ALPK3: variants seen among roughly 807,000 people sequenced by gnomAD.
ALPK3 encodes the protein alpha kinase 3.
Under a neutral mutation model 140.0 loss-of-function variants are expected in ALPK3, and 102 were observed. The ratio of observed to expected loss-of-function variants is 0.73; its 90% CI spans 0.62 to 0.86. The LOEUF (loss-of-function observed/expected upper bound fraction) is 0.86. ALPK3 is among the 40% of genes least tolerant of loss of function. ALPK3 has a pLI of 0.00. For missense variants in ALPK3, 2,254 were observed against 2,208.2 expected (o/e 1.02, Z -0.42); for synonymous variants, 938 against 898.5 (o/e 1.04, Z -0.79).
chr15:84,863,947 G>A (rs1328266223), intron 11 of ALPK3, among the ~76,000 whole-genome samples: 1 of 152,218 alleles, frequency 6.6e-6, no homozygotes, highest in Non-Finnish European at 1.5e-5. Context: ...GAAGGTGATG[G>A]GGTGGGTTAA....
At chr15:84,849,921 G>A (rs1387702245) in intron 5 of ALPK3, among the ~76,000 whole-genome samples, 2 of 143,604 alleles carry the variant, frequency 1.4e-5, no homozygotes, top group African/African-American at 5.2e-5. Flanking sequence ...CCAAAAACAG[G>A]AAAATTATGG....
chr15:84,859,782 G>A lies in ALPK3; in HGVS notation c.3972G>A (p.Gly1324=). 1 of 1,612,226 alleles carries A rather than the reference G, an allele frequency of 6.2e-7. No individual in the cohort carries two copies. Among genetic ancestry groups the A allele is most frequent in the Non-Finnish European group, 8.5e-7 (1 of 1,179,756 alleles). Residue 1324 remains glycine, a synonymous_variant, in exon 8 of 14, where the codon GGG becomes GGA. Transcript: ENST00000258888. Reference sequence around the variant, plus strand: ...TAGGGTCTCCACTCTGCAGCGCAGGGGATGAGGGGCCGGCGGCCTTGGCCA... The same window carrying A: ...TAGGGTCTCCACTCTGCAGCGCAGGAGATGAGGGGCCGGCGGCCTTGGCCA... ...RPVGEVGRSA[G]DEGPAALAIV...
chr15:84,839,138 AG>A, intron 4 of ALPK3, 41 bp downstream of exon 4: 1 of 1,534,212 alleles, frequency 6.5e-7, no homozygotes, highest in Non-Finnish European at 8.9e-7. Context: ...TGCCCTCCCG[AG>A]GGCCCTCTGG....
intron 5 of ALPK3, among the ~76,000 whole-genome samples, chr15:84,851,151 G>A (rs1341755157): frequency 6.6e-6 from 1 of 152,172 alleles, no homozygotes; most frequent in Non-Finnish European, 1.5e-5. Flanking sequence ...CTTTTTTGGG[G>A]TAGAGGAGGG....
In ALPK3 at chr15:84,817,705, C is replaced by T. The variant is rs1963377342; in HGVS notation, c.143+110C>T. On this transcript the variant is annotated intron_variant, in intron 1 of 13. Transcript: ENST00000258888. ...CCTGGGCTGGGCCTGCGCCCTCGAG[C>T]CCTCTCAGCCCCAAGGCCCAGGGCC... is the stretch of plus-strand genomic sequence containing the variant. The T allele has an allele frequency of 2.3e-6, 3 of 1,285,942 alleles. No homozygotes were observed. The Admixed American group carries it at 1.2e-4, about 53-fold the overall frequency. 79.7% of individuals were successfully genotyped at this position (1,285,942 alleles called of 1,614,324 possible).
At chr15:84,847,714 TC>T (rs1473609852) in intron 5 of ALPK3, among the ~76,000 whole-genome samples, 5 of 152,074 alleles carry the variant, frequency 3.3e-5, no homozygotes, top group Non-Finnish European at 5.9e-5. Flanking sequence ...ATAAAGACAT[TC>T]TCAGATAATG....
chr15:84,868,475 G>C lies in ALPK3; in HGVS notation c.*19G>C. ...GCGGTAGCCTCCGCAGAGGCTGGGG[G>C]CCTCCACCCAGCAGCAGACCAACCA... On this transcript the variant is annotated 3_prime_UTR_variant, in exon 14 of 14. Transcript: ENST00000258888. 1 of 1,587,132 alleles carries C rather than the reference G, an allele frequency of 6.3e-7. No individual in the cohort carries two copies. The highest frequency in any genetic ancestry group is 1.3e-5 in the African/African-American group (1 of 74,208).
At chr15:84,867,411 G>C in intron 13 of ALPK3, 46 bp downstream of exon 13, 2 of 1,606,164 alleles carry the variant, frequency 1.2e-6, no homozygotes, top group South Asian at 1.1e-5. Context: ...GTCTTCTCAG[G>C]GTGTAAAATG....
chr15:84,829,538 A>C (rs1236915609), intron 3 of ALPK3, among the ~76,000 whole-genome samples: 1 of 152,160 alleles, frequency 6.6e-6, no homozygotes, highest in Non-Finnish European at 1.5e-5. Flanking sequence ...CCGTTTCTGT[A>C]AGTCTTACAT....
rs1334668842 is a variant in ALPK3, at chr15:84,869,414, G to A, written c.*958G>A. On this transcript the variant is annotated 3_prime_UTR_variant, in exon 14 of 14. Transcript: ENST00000258888. ...AGAGACCTTGCACTCCATACTGAAA[G>A]GAGGTGGGGTCACAGTGAATTTCAC... 1.3e-5 allele frequency: 2 copies of A among 152,326 alleles called. No homozygotes were observed. Among genetic ancestry groups the A allele is most frequent in the Non-Finnish European group, 2.9e-5 (2 of 68,100 alleles). The allele number at this position is 152,326 out of a possible 1,614,324, so 9.4% of individuals were successfully genotyped here. A position where few individuals can be genotyped will look rare whatever the true frequency, so the allele number is the denominator to read the frequency against.
chr15:84,827,599 G>C lies in ALPK3; in HGVS notation c.298G>C (p.Val100Leu). Residue 100 changes from valine (V) to leucine (L), a missense_variant, in exon 3 of 14, where the codon GTC (valine) becomes CTC (leucine). Around this residue, in one of 3 missense-constraint regions of ALPK3, gnomAD observed 2,088 missense variants for 2,022.9 expected, o/e 1.03. Transcript: ENST00000258888. ...EDSDVRFTCI[V>L]TGYPEPEVTW... Reference sequence around the variant, plus strand: ...CAGCGACGTCAGGTTCACCTGCATCGTCACAGGTAAGGATGCTGTCTGTAT... The same window carrying C: ...CAGCGACGTCAGGTTCACCTGCATCCTCACAGGTAAGGATGCTGTCTGTAT... The C allele has an allele frequency of 6.2e-7, 1 of 1,614,060 alleles. No homozygotes were observed. Among genetic ancestry groups the C allele is most frequent in the East Asian group, 2.2e-5 (1 of 44,888 alleles).
Position 84,824,132 on chromosome 15 carries a change from T to G in ALPK3, c.182+764T>G, listed in dbSNP as rs576175993. ...TTTCTGCAGTCATTTAAGTTCTCCT[T>G]TTACCTCCTCTTTCTCTGAATTTTC... On this transcript the variant is annotated intron_variant, in intron 2 of 13. Transcript: ENST00000258888. Among the ~76,000 whole-genome samples the G allele has an allele frequency of 8.5e-5, 13 of 152,320 alleles. 1 individual carries two copies. The East Asian group carries it at 2.1e-3, about 25-fold the overall frequency.
intron 7 of ALPK3, 30 bp from the exon 8 acceptor site, chr15:84,859,746 G>T (rs758821183): frequency 5.6e-6 from 9 of 1,596,438 alleles, no homozygotes; most frequent in Non-Finnish European, 7.7e-6. Flanking sequence ...CCATGCCATG[G>T]CCCTCACGAG....
At chr15:84,858,699 T>C (rs1963901395) in intron 6 of ALPK3, 144 bp downstream of exon 6, 11 of 1,279,786 alleles carry the variant, frequency 8.6e-6, no homozygotes. Context: ...GGTACCCTTC[T>C]CTCACAGCCT....
intron 7 of ALPK3, 137 bp from the exon 8 acceptor site, chr15:84,859,639 C>A: frequency 2.2e-6 from 3 of 1,367,928 alleles, no homozygotes; most frequent in South Asian, 3.0e-5. Context: ...CAGCTCTTGG[C>A]CCTGGAATCG....
At chr15:84,841,762 G>T (rs1165669920) in intron 5 of ALPK3, among the ~76,000 whole-genome samples, 1 of 152,162 alleles carries the variant, frequency 6.6e-6, no homozygotes, top group Non-Finnish European at 1.5e-5. Flanking sequence ...GATTGAGAGG[G>T]CAGGAAGGAA....
chr15:84,871,160 C>T lies in ALPK3; in HGVS notation c.*2704C>T, dbSNP rs1485575715. 6.6e-6 allele frequency: 1 copy of T among 152,556 alleles called. No individual in the cohort carries two copies. Among genetic ancestry groups the T allele is most frequent in the Non-Finnish European group, 1.5e-5 (1 of 68,020 alleles). The allele number at this position is 152,556 out of a possible 1,614,324, so 9.5% of individuals were successfully genotyped here. ...GGAAGAATGGGTAAAGTCTACAGTC[C>T]ATTTCTAGAACTGGTCATGAGAACT... is the stretch of plus-strand genomic sequence containing the variant. On this transcript the variant is annotated 3_prime_UTR_variant, in exon 14 of 14. Transcript: ENST00000258888.
intron 10 of ALPK3, 84 bp downstream of exon 10, chr15:84,862,999 G>A (rs2141572916): frequency 3.3e-6 from 5 of 1,531,460 alleles, no homozygotes; most frequent in Non-Finnish European, 4.4e-6. Context: ...AGGATGCCCA[G>A]TATCGAGGCA....
chr15:84,827,349 G>C, intron 2 of ALPK3, 135 bp from the exon 3 acceptor site: 1 of 1,308,624 alleles, frequency 7.6e-7, no homozygotes, highest in Non-Finnish European at 1.1e-6. Context: ...CTTGAAGAAA[G>C]ACTTGCCGGG....
Sources: gnomAD v4.1 joint callset for allele counts (sites outside exome capture counted in the v4.1 genomes callset) on GRCh38, gnomAD v4.1.1 for gene constraint, gnomAD v4.1.1 regional missense constraint, MANE v1.5 for transcripts, NCBI Gene and HGNC (gene_info 2026-07-23, HGNC 2026-07-21) for gene names.